Variants in WLS observed in about 807,000 individuals in gnomAD.
The protein encoded by WLS is protein wntless homolog.
WLS carries 23 observed loss-of-function variants against 62.8 expected under a neutral mutation model. That is an observed-to-expected ratio of 0.37 (90% CI 0.26 to 0.52). The LOEUF is 0.52. WLS is among the 20% of genes least tolerant of loss of function. WLS has a pLI of 0.92. For missense variants in WLS, 615 were observed against 697.3 expected (o/e 0.88, Z 1.33); for synonymous variants, 246 against 244.1 (o/e 1.01, Z -0.07).
intron 2 of WLS, among the ~76,000 whole-genome samples, chr1:68,170,160 C>CTTTTTTTCTTTTTTTT (rs1553131191): frequency 2.5e-4 from 22 of 86,784 alleles, no homozygotes; most frequent in African/African-American, 7.2e-4. Flanking sequence ...GCTACTATTT[C>CTTTTTTTCTTTTTTTT]TTTTTTTTTT....
At chr1:68,154,540 C>T (rs994953040) in intron 4 of WLS, among the ~76,000 whole-genome samples, 3 of 151,982 alleles carry the variant, frequency 2.0e-5, no homozygotes, top group African/African-American at 4.8e-5. Context: ...GGAATTACTA[C>T]GTATAAAAAA....
At chr1:68,135,305 CTTTTTTTTTTT>C (rs71581156) in intron 11 of WLS, among the ~76,000 whole-genome samples, 2 of 66,762 alleles carry the variant, frequency 3.0e-5, no homozygotes, top group Non-Finnish European at 5.2e-5. Context: ...CCATGCCTGG[CTTTTTTTTTTT>C]TTTTTTTTTT....
chr1:68,189,312 G>A (rs1194894956), intron 2 of WLS, among the ~76,000 whole-genome samples: 3 of 151,512 alleles, frequency 2.0e-5, no homozygotes, highest in East Asian at 1.9e-4. Flanking sequence ...GAAGATGAAA[G>A]TTCTCAACTT....
At chr1:68,166,414 A>G (rs930867608) in intron 2 of WLS, among the ~76,000 whole-genome samples, 1 of 152,252 alleles carries the variant, frequency 6.6e-6, no homozygotes, top group Non-Finnish European at 1.5e-5. Flanking sequence ...AGCCTTCTTC[A>G]GGCCTCACAT....
At chr1:68,197,319 G>A (rs3891575) in intron 1 of WLS, among the ~76,000 whole-genome samples, 1 of 151,544 alleles carries the variant, frequency 6.6e-6, no homozygotes, top group South Asian at 2.1e-4. Context: ...CTTCTATAAA[G>A]AAAAAAAATC....
chr1:68,220,400 T>C (rs1649893375), intron 1 of WLS, among the ~76,000 whole-genome samples: 1 of 152,216 alleles, frequency 6.6e-6, no homozygotes, highest in Non-Finnish European at 1.5e-5. Flanking sequence ...CTAACACCTA[T>C]GTGCAGGCTC....
intron 1 of WLS, among the ~76,000 whole-genome samples, chr1:68,203,163 T>A (rs1649117900): frequency 6.6e-6 from 1 of 152,216 alleles, no homozygotes; most frequent in African/African-American, 2.4e-5. Context: ...AACTTTCACA[T>A]ACATAGATTA....
At chr1:68,134,615 T>C (rs1646578809) in intron 11 of WLS, among the ~76,000 whole-genome samples, 1 of 152,226 alleles carries the variant, frequency 6.6e-6, no homozygotes, top group African/African-American at 2.4e-5. Context: ...GTAGCACCCC[T>C]AGAATCTGGA....
At chr1:68,169,086 A>G (rs933714375) in intron 2 of WLS, among the ~76,000 whole-genome samples, 2 of 152,234 alleles carry the variant, frequency 1.3e-5, no homozygotes, top group Admixed American at 6.5e-5. Flanking sequence ...CAAATCAAGC[A>G]TTTGAATTGC....
intron 10 of WLS, among the ~76,000 whole-genome samples, chr1:68,143,886 G>T (rs1333267728): frequency 1.3e-5 from 2 of 152,158 alleles, no homozygotes; most frequent in African/African-American, 4.8e-5. Flanking sequence ...GTCCTATCCA[G>T]CTAGGAAGCA....
At chr1:68,217,009 T>A (rs1024567968) in intron 1 of WLS, among the ~76,000 whole-genome samples, 1 of 152,114 alleles carries the variant, frequency 6.6e-6, no homozygotes, top group African/African-American at 2.4e-5. Flanking sequence ...TGGCAAAAAA[T>A]TTCAATAAAA....
chr1:68,148,278 GC>G lies in WLS; in HGVS notation c.1071-80del, dbSNP rs1348652689. 2.7e-6 allele frequency: 4 copies of G among 1,459,438 alleles called. No homozygotes were observed. In the East Asian group the frequency reaches 9.1e-5, roughly 33 times the overall value. The allele number at this position is 1,459,438 out of a possible 1,614,324, so 90.4% of individuals were successfully genotyped here. ...GAACTTTCCTTTTCACATATTCTTAGCTTTTCAGCTGCAGGGGTGAGGGCTG... is the reference window on the plus strand; with the variant it reads ...GAACTTTCCTTTTCACATATTCTTAGTTTTCAGCTGCAGGGGTGAGGGCTG... On this transcript the variant is annotated intron_variant, in intron 7 of 11. Transcript: ENST00000262348.
chr1:68,230,271 CAA>C (rs1650346374), intron 1 of WLS, among the ~76,000 whole-genome samples: 2 of 152,084 alleles, frequency 1.3e-5, no homozygotes, highest in Admixed American at 1.3e-4. Flanking sequence ...GCAAAAACCT[CAA>C]AGAGGATGAA....
At chr1:68,168,216 G>A (rs1647090602) in intron 2 of WLS, among the ~76,000 whole-genome samples, 1 of 152,052 alleles carries the variant, frequency 6.6e-6, no homozygotes, top group African/African-American at 2.4e-5. Context: ...TGGGGAGAAG[G>A]AAAAGCAATG....
At chr1:68,231,929 G>C (rs533806969) in intron 1 of WLS, 1 of 482,052 alleles carries the variant, frequency 2.1e-6, no homozygotes, top group Non-Finnish European at 3.9e-6. Context: ...CCATGCTTAA[G>C]ATTCCCACCC....
rs548988631 is a variant in WLS at position 68,163,967 on chromosome 1, C to T, written c.380-4720G>A. On this transcript the variant is annotated intron_variant, in intron 2 of 11. Coordinates refer to ENST00000262348, the MANE Select transcript of WLS (RefSeq NM_024911.7). The stretch of plus-strand genomic sequence containing the variant: ...CTTTTCTACGGTGGCTTAAAGCTGA[C>T]ATGGCAGCATGGCAGATCCCTGGTT... Among the ~76,000 whole-genome samples the T allele has an allele frequency of 2.5e-3, 382 of 152,232 alleles. 3 individuals carry two copies. Among genetic ancestry groups the T allele is most frequent in the African/African-American group, 8.6e-3 (359 of 41,512 alleles).
intron 11 of WLS, among the ~76,000 whole-genome samples, chr1:68,114,805 C>T (rs898174254): frequency 1.4e-4 from 22 of 152,240 alleles, no homozygotes. Context: ...GGGCTTATTC[C>T]TTCTGGAATA....
intron 2 of WLS, among the ~76,000 whole-genome samples, chr1:68,165,079 C>G (rs1462465144): frequency 3.3e-5 from 5 of 152,172 alleles, no homozygotes; most frequent in African/African-American, 1.2e-4. Flanking sequence ...ACTTATAACG[C>G]TGGGAGTAGG....
rs113287199 is a variant in WLS, at chr1:68,141,390, G to T, written c.1362+3179C>A. On this transcript the variant is annotated intron_variant, in intron 10 of 11. Coordinates refer to ENST00000262348, the MANE Select transcript of WLS (RefSeq NM_024911.7). The stretch of plus-strand genomic sequence containing the variant: ...CACTGCACTTCTGTTCCCTACTGCC[G>T]CCACCTCTAAATGGAACGCCTCTTT... The T allele has an allele frequency of 2.0e-5, 3 of 152,108 alleles. No individual in the cohort carries two copies. In the East Asian group the frequency reaches 5.8e-4, roughly 29 times the overall value. 9.4% of individuals were successfully genotyped at this position (152,108 alleles called of 1,614,324 possible).
Sources: gnomAD v4.1 joint callset for allele counts (sites outside exome capture counted in the v4.1 genomes callset) on GRCh38, gnomAD v4.1.1 for gene constraint, MANE v1.5 for transcripts, NCBI Gene and HGNC (gene_info 2026-07-23, HGNC 2026-07-21) for gene names.